EPHA8: variants seen among roughly 807,000 people sequenced by gnomAD.
EPHA8 encodes the protein EPH receptor A8.
Under a neutral mutation model 103.6 loss-of-function variants are expected in EPHA8, and 58 were observed. That is an observed-to-expected ratio of 0.56 (90% confidence interval 0.45 to 0.70). The LOEUF (loss-of-function observed/expected upper bound fraction) is 0.70. EPHA8 is among the 30% of genes least tolerant of loss of function. The probability of loss-of-function intolerance (pLI) is 0.00; values close to 1 mark genes in which losing one functional copy is unlikely to be tolerated. For synonymous variants in EPHA8, 559 were observed against 572.5 expected, an observed-to-expected ratio of 0.98 and a Z score of 0.34; for missense variants, 1,304 against 1,395.2, an observed-to-expected ratio of 0.93 and a Z score of 1.04.
intron 1 of EPHA8, among the ~76,000 whole-genome samples, chr1:22,568,107 A>G (rs1424031354): frequency 6.6e-6 from 1 of 152,198 alleles, no homozygotes; most frequent in Non-Finnish European, 1.5e-5. Flanking sequence ...GGGGACTTAG[A>G]GAAGGGGAAC....
intron 4 of EPHA8, among the ~76,000 whole-genome samples, chr1:22,588,357 C>T (rs973458932): frequency 3.3e-5 from 5 of 152,210 alleles, no homozygotes; most frequent in East Asian, 1.9e-4. Flanking sequence ...CTCCCATGCC[C>T]GGGGTTGGGG....
intron 3 of EPHA8, among the ~76,000 whole-genome samples, chr1:22,585,651 G>A (rs1165123637): frequency 6.6e-6 from 1 of 152,228 alleles, no homozygotes; most frequent in East Asian, 1.9e-4. Flanking sequence ...CACGCAGGCA[G>A]CTGGGTGGGG....
intron 9 of EPHA8, 61 bp downstream of exon 9, chr1:22,596,234 G>A: frequency 6.5e-7 from 1 of 1,530,298 alleles, no homozygotes; most frequent in Non-Finnish European, 9.0e-7. Flanking sequence ...CCCAGTGCTG[G>A]ACTGGGGGTG....
In EPHA8 at chr1:22,578,870, CGTGTCCGT is replaced by C. The variant is rs1008637833; in HGVS notation, c.823+2003_823+2010del. ...GTGTGCATGCATGTGTGTATATGCACGTGTCCGTGTGTCCGTGTGTGCATGTGTGCATG... is the reference window on the plus strand; with the variant it reads ...GTGTGCATGCATGTGTGTATATGCACGTGTCCGTGTGTGCATGTGTGCATG... On this transcript the variant is annotated intron_variant, in intron 3 of 16. Transcript: ENST00000166244. 5.0e-4 allele frequency among the ~76,000 whole-genome samples: 62 copies of C among 123,852 alleles called. No homozygotes were observed. The East Asian group carries it at 6.6e-3, about 13-fold the overall frequency. 81.3% of individuals were successfully genotyped at this position (123,852 alleles called of 152,430 possible).
intron 13 of EPHA8, among the ~76,000 whole-genome samples, chr1:22,599,525 C>T (rs1046705627): frequency 2.0e-5 from 3 of 150,822 alleles, no homozygotes; most frequent in South Asian, 4.2e-4. Context: ...CCCACAGCCT[C>T]TGGGTAAGGT....
intron 2 of EPHA8, among the ~76,000 whole-genome samples, chr1:22,570,535 A>ATACTTGAGTTCTTTCATGTCCAC (rs1294462169): frequency 2.6e-5 from 4 of 152,170 alleles, no homozygotes; most frequent in Admixed American, 6.5e-5. Context: ...CGACACCAAC[A>ATACTTGAGTTCTTTCATGTCCAC]GGTAACATTT....
intron 2 of EPHA8, among the ~76,000 whole-genome samples, chr1:22,573,427 C>T (rs1434841592): frequency 6.6e-6 from 1 of 152,026 alleles, no homozygotes; most frequent in Non-Finnish European, 1.5e-5. Flanking sequence ...AGGATCAAGA[C>T]GAGATTAGAT....
chr1:22,570,284 G>A (rs368884504), intron 2 of EPHA8, among the ~76,000 whole-genome samples: 46 of 151,536 alleles, frequency 3.0e-4, no homozygotes, highest in East Asian at 2.5e-3. Flanking sequence ...ACATGCACGC[G>A]CGTACACACA....
At chr1:22,580,291 A>G (rs1641011901) in intron 3 of EPHA8, among the ~76,000 whole-genome samples, 1 of 151,710 alleles carries the variant, frequency 6.6e-6, no homozygotes, top group South Asian at 2.1e-4. Flanking sequence ...GGTGCCCGCC[A>G]CCACGCCCAG....
In EPHA8 at chr1:22,576,905, G is replaced by C; in HGVS notation, c.823+25G>C. 1 of 1,557,180 alleles carries C rather than the reference G, an allele frequency of 6.4e-7. No homozygotes were observed. Among genetic ancestry groups the C allele is most frequent in the East Asian group, 2.3e-5 (1 of 44,198 alleles). On this transcript the variant is annotated intron_variant, in intron 3 of 16. Transcript: ENST00000166244. The surrounding 1 kb of genome is among the most constrained non-coding windows in gnomAD (Gnocchi z 4.8). ...GGTGAGCGCGCCATGGCCTGGGCAT[G>C]GGTCAGCCGGCAGCGGTGCTTGGTC...
rs139625835 is a variant in EPHA8, at chr1:22,576,282, C to T, written c.225C>T (p.Val75=). The T allele has an allele frequency of 2.5e-6, 4 of 1,613,796 alleles. No homozygotes were observed. The African/African-American group carries it at 5.3e-5, about 22-fold the overall frequency. ...QPIHTYQVCN[V]MSPNQNNWLR... ...TCCACACGTACCAGGTTTGCAACGT[C>T]ATGAGCCCCAACCAGAACAACTGGC... The change falls in exon 3 of 17, where the codon GTC becomes GTT. Residue 75 remains valine, a synonymous_variant. Transcript: ENST00000166244. This position sits in a 1 kb window ranked among gnomAD's most constrained non-coding sequence, Gnocchi z 4.8.
intron 2 of EPHA8, among the ~76,000 whole-genome samples, chr1:22,574,987 G>C (rs559161490): frequency 1.3e-4 from 20 of 152,084 alleles, no homozygotes; most frequent in Non-Finnish European, 2.8e-4. Flanking sequence ...GTCTCGCTCT[G>C]TTGCTCAGGC....
rs1254387084 is a variant in EPHA8 at position 22,601,037 on chromosome 1, A to G, written c.2678A>G (p.Asp893Gly). The change falls in exon 15 of 17, where the codon GAT becomes GGT. Residue 893 changes from aspartate (D) to glycine (G), a missense_variant. Coordinates refer to ENST00000166244, the MANE Select transcript of EPHA8 (RefSeq NM_020526.5). ...TTCTCCCAGATTGTCAGTGTCCTCG[A>G]TGCGCTCATCCGCAGCCCTGAGAGT... The part of the protein sequence containing the change: ...PRFSQIVSVL[D>G]ALIRSPESLR... 1.2e-6 allele frequency: 2 copies of G among 1,612,466 alleles called. No individual in the cohort carries two copies. The highest frequency in any genetic ancestry group is 3.3e-5 in the Admixed American group (2 of 59,972).
chr1:22,599,654 GGAAA>G (rs1557583064), intron 13 of EPHA8, among the ~76,000 whole-genome samples: 3,283 of 71,880 alleles, frequency 0.046, 287 homozygotes, highest in Admixed American at 0.076. Context: ...AGGGAAGGAA[GGAAA>G]GGAGGGAGGG....
In EPHA8 at chr1:22,598,306, C is replaced by T. The variant is rs1342827704; in HGVS notation, c.2178+94C>T. Reference sequence around the variant, plus strand: ...GTGCAAAGCCCTCTAAGCCCCCTCCCTGGCTTGGACACCACAGGCCGGGGG... The same window carrying T: ...GTGCAAAGCCCTCTAAGCCCCCTCCTTGGCTTGGACACCACAGGCCGGGGG... On this transcript the variant is annotated intron_variant, in intron 12 of 16. Coordinates refer to ENST00000166244, the MANE Select transcript of EPHA8 (RefSeq NM_020526.5). This position sits in a 1 kb window ranked among gnomAD's most constrained non-coding sequence, Gnocchi z 5.1. The T allele has an allele frequency of 3.1e-6, 4 of 1,273,346 alleles. No homozygotes were observed. Among genetic ancestry groups the T allele is most frequent in the East Asian group, 4.7e-5 (2 of 42,784 alleles). The allele number at this position is 1,273,346 out of a possible 1,614,324, so 78.9% of individuals were successfully genotyped here. A position where few individuals can be genotyped will look rare whatever the true frequency, so the allele number is the denominator to read the frequency against.
intron 3 of EPHA8, among the ~76,000 whole-genome samples, chr1:22,584,348 T>C (rs994024841): frequency 2.0e-5 from 3 of 152,296 alleles, no homozygotes; most frequent in Admixed American, 2.0e-4. Flanking sequence ...CTTGGGATCC[T>C]CTGGAGGGGA....
chr1:22,601,545 A>C, intron 16 of EPHA8, 72 bp downstream of exon 16: 1 of 1,597,750 alleles, frequency 6.3e-7, no homozygotes. Context: ...GGGAGGCTAC[A>C]GGTCCAGATC....
chr1:22,588,740 T>C, intron 4 of EPHA8, 131 bp from the exon 5 acceptor site: 2 of 1,472,384 alleles, frequency 1.4e-6, no homozygotes, highest in Middle Eastern at 1.8e-4. Flanking sequence ...GGAGTAGATG[T>C]GGACCTTATC....
intron 4 of EPHA8, among the ~76,000 whole-genome samples, chr1:22,587,194 TACAG>T (rs1432003319): frequency 6.6e-6 from 1 of 152,262 alleles, no homozygotes; most frequent in Non-Finnish European, 1.5e-5. Context: ...CAGCTGCTCT[TACAG>T]ACGACGCCTG....
Sources: gnomAD v4.1 joint callset for allele counts (sites outside exome capture counted in the v4.1 genomes callset) on GRCh38, gnomAD v4.1.1 for gene constraint, Gnocchi (gnomAD v3.1) non-coding constraint, MANE v1.5 for transcripts, NCBI Gene and HGNC (gene_info 2026-07-23, HGNC 2026-07-21) for gene names.